ARNT: variants seen among roughly 807,000 people sequenced by gnomAD.
The protein encoded by ARNT is class E basic helix-loop-helix protein 2.
In ARNT, 30 loss-of-function variants were observed where a neutral mutation model predicts 105.0. That is an observed-to-expected ratio of 0.29 (90% CI 0.21 to 0.39). The LOEUF is 0.39. Among genes scored for constraint, ARNT ranks in the 10% least tolerant of loss-of-function variants. ARNT has a pLI of 1.00. For synonymous variants in ARNT, 304 were observed against 344.0 expected (o/e 0.88, Z 1.29); for missense variants, 748 against 978.7 (o/e 0.76, Z 3.15).
At chr1:150,840,086 C>T (rs1661007943) in intron 5 of ARNT, among the ~76,000 whole-genome samples, 1 of 151,860 alleles carries the variant, frequency 6.6e-6, no homozygotes, top group African/African-American at 2.4e-5. Flanking sequence ...ACTAAAAATA[C>T]AAAAATTAGC....
intron 1 of ARNT, among the ~76,000 whole-genome samples, chr1:150,862,537 A>G (rs1665813285): frequency 6.6e-6 from 1 of 151,572 alleles, no homozygotes; most frequent in Admixed American, 6.6e-5. Context: ...TTGAAATAGT[A>G]AGCATATGTT....
intron 1 of ARNT, among the ~76,000 whole-genome samples, chr1:150,872,107 C>T (rs12758227): frequency 1.3e-5 from 2 of 151,454 alleles, no homozygotes; most frequent in African/African-American, 4.8e-5. Flanking sequence ...TAGAAGTGCA[C>T]CACAGTGCCC....
rs1221451085 is a variant in ARNT, at chr1:150,810,005, A to T, written c.*2016T>A. On this transcript the variant is annotated 3_prime_UTR_variant, in exon 22 of 22. Transcript: ENST00000358595. ...TTATGTTTGTATGTCTGGAGCTTAA[A>T]CTATAGATTCCTCTGGTTGTGGGTG... 4.4e-6 allele frequency: 1 copy of T among 228,216 alleles called. No homozygotes were observed. Among genetic ancestry groups the T allele is most frequent in the Non-Finnish European group, 8.7e-6 (1 of 114,630 alleles). The allele number at this position is 228,216 out of a possible 1,614,324, so 14.1% of individuals were successfully genotyped here.
intron 3 of ARNT, among the ~76,000 whole-genome samples, chr1:150,851,148 G>A (rs903061560): frequency 6.6e-6 from 1 of 150,508 alleles, no homozygotes; most frequent in Non-Finnish European, 1.5e-5. Flanking sequence ...CGTCCGGGAG[G>A]TGGGGGGCAG....
intron 6 of ARNT, 69 bp from the exon 7 acceptor site, chr1:150,836,562 GAAGT>G (rs1660366595): frequency 1.4e-6 from 2 of 1,475,188 alleles, no homozygotes; most frequent in Non-Finnish European, 1.8e-6. Context: ...TTCACAGGAA[GAAGT>G]AAGACACTTC....
At chr1:150,842,582 A>G in intron 4 of ARNT, 114 bp from the exon 5 acceptor site, 1 of 815,688 alleles carries the variant, frequency 1.2e-6, no homozygotes, top group Admixed American at 2.4e-5. Flanking sequence ...GAGGGAGAAA[A>G]AAAAAGAAAA....
intron 8 of ARNT, among the ~76,000 whole-genome samples, chr1:150,833,180 C>T (rs1659648190): frequency 6.6e-6 from 1 of 152,120 alleles, no homozygotes; most frequent in Non-Finnish European, 1.5e-5. Flanking sequence ...TGGATTAAAA[C>T]AAAATCCAGC....
At chr1:150,855,952 A>G (rs1415386486) in intron 2 of ARNT, among the ~76,000 whole-genome samples, 1 of 151,934 alleles carries the variant, frequency 6.6e-6, no homozygotes, top group East Asian at 1.9e-4. Context: ...TAAGGTGCCA[A>G]AATGTGTGTG....
At chr1:150,873,666 C>G (rs112591413) in intron 1 of ARNT, among the ~76,000 whole-genome samples, 4 of 152,126 alleles carry the variant, frequency 2.6e-5, no homozygotes, top group Non-Finnish European at 5.9e-5. Context: ...CACCTATAAT[C>G]CCAGCAGTTT....
chr1:150,845,325 GC>G (rs1241059736), intron 4 of ARNT, among the ~76,000 whole-genome samples: 2 of 151,974 alleles, frequency 1.3e-5, no homozygotes, highest in African/African-American at 4.8e-5. Context: ...AATAGGCCAG[GC>G]ACAATGGCTC....
At chr1:150,862,385 TC>T in intron 1 of ARNT, among the ~76,000 whole-genome samples, 1 of 152,172 alleles carries the variant, frequency 6.6e-6, no homozygotes, top group Middle Eastern at 3.4e-3. Flanking sequence ...TAGCCATACC[TC>T]CAACAGCACT....
rs587646150 is a variant in ARNT at position 150,866,802 on chromosome 1, G to A, written c.26-8342C>T. ...AAACACTTATAGTTCCTTAGCCTGG[G>A]GAAATGAAAAACTGAATTGTGATAG... On this transcript the variant is annotated intron_variant, in intron 1 of 21. Transcript: ENST00000358595. Among the ~76,000 whole-genome samples, 27 of 152,160 alleles carry A rather than the reference G, an allele frequency of 1.8e-4. No homozygotes were observed. In the East Asian group the frequency reaches 2.3e-3, roughly 13 times the overall value.
rs967486928 is a variant in ARNT, at chr1:150,846,049, A to T, written c.227+214T>A. ...CTTTAGTTATCACATACACAGAAAA[A>T]CACTGTATAAAATATACCGCCAGTT... On this transcript the variant is annotated intron_variant, in intron 4 of 21. Coordinates refer to ENST00000358595, the MANE Select transcript of ARNT (RefSeq NM_001668.4). Among the ~76,000 whole-genome samples the T allele has an allele frequency of 9.2e-5, 14 of 152,300 alleles. 3 individuals carry two copies. The highest frequency in any genetic ancestry group is 8.5e-4 in the Admixed American group (13 of 15,290).
intron 6 of ARNT, among the ~76,000 whole-genome samples, chr1:150,837,185 T>C (rs951358211): frequency 6.6e-6 from 1 of 152,196 alleles, no homozygotes; most frequent in Non-Finnish European, 1.5e-5. Context: ...TTCAGGCCTA[T>C]AAAAATGATC....
At chr1:150,874,018 T>TA (rs58707975) in intron 1 of ARNT, among the ~76,000 whole-genome samples, 3,915 of 64,378 alleles carry the variant, frequency 0.061, 143 homozygotes, top group African/African-American at 0.081. Flanking sequence ...ACAAGAATTG[T>TA]AAAAAAAAAA....
At chr1:150,832,241 G>T in intron 9 of ARNT, 93 bp downstream of exon 9, 1 of 1,348,556 alleles carries the variant, frequency 7.4e-7, no homozygotes, top group Non-Finnish European at 1.1e-6. Flanking sequence ...AGTGAGAGCT[G>T]CTGAAGGAAC....
chr1:150,863,302 G>A (rs1438333298), intron 1 of ARNT, among the ~76,000 whole-genome samples: 1 of 151,626 alleles, frequency 6.6e-6, no homozygotes, highest in East Asian at 1.9e-4. Flanking sequence ...GCTGCAGTGA[G>A]CCGAGATCAT....
In ARNT at chr1:150,811,956, G is replaced by C. The variant is rs587697593; in HGVS notation, c.*65C>G. 7.2e-6 allele frequency: 9 copies of C among 1,254,248 alleles called. No homozygotes were observed. The South Asian group carries it at 1.7e-4, about 23-fold the overall frequency. The allele number at this position is 1,254,248 out of a possible 1,614,324, so 77.7% of individuals were successfully genotyped here. A position where few individuals can be genotyped will look rare whatever the true frequency, so the allele number is the denominator to read the frequency against. On this transcript the variant is annotated 3_prime_UTR_variant, in exon 22 of 22. Transcript: ENST00000358595. ...GGAACTTTTATTCTGTTTACAGAAAGATTTGCTTTTTAAAAACAAACAGTG... is the reference window on the plus strand; with the variant it reads ...GGAACTTTTATTCTGTTTACAGAAACATTTGCTTTTTAAAAACAAACAGTG...
intron 11 of ARNT, 50 bp from the exon 12 acceptor site, chr1:150,829,277 A>T: frequency 6.4e-7 from 1 of 1,570,636 alleles, no homozygotes; most frequent in Non-Finnish European, 8.7e-7. Flanking sequence ...TTATTTACAG[A>T]TGTATTTCCT....
Sources: gnomAD v4.1 joint callset for allele counts (sites outside exome capture counted in the v4.1 genomes callset) on GRCh38, gnomAD v4.1.1 for gene constraint, MANE v1.5 for transcripts, NCBI Gene and HGNC (gene_info 2026-07-23, HGNC 2026-07-21) for gene names.